Variants in GARNL3 observed in about 807,000 individuals in gnomAD.
GARNL3 encodes GTPase activating Rap/RanGAP domain like 3, also known as GTPase-activating Rap/Ran-GAP domain-like protein 3.
In GARNL3, 63 loss-of-function variants were observed where a neutral mutation model predicts 125.0. That is an observed-to-expected ratio of 0.50 (90% CI 0.41 to 0.62). The LOEUF (loss-of-function observed/expected upper bound fraction) is 0.62, where lower values mean the gene tolerates loss of function less well. Ranked by LOEUF, GARNL3 falls within the 20% of genes least tolerant of loss-of-function variation. GARNL3 has a pLI of 0.00. For synonymous variants in GARNL3, 439 were observed against 457.5 expected (o/e 0.96, Z 0.52); for missense variants, 994 against 1,244.0 (o/e 0.80, Z 3.02).
intron 1 of GARNL3, among the ~76,000 whole-genome samples, chr9:127,283,858 C>T (rs1243558684): frequency 1.3e-5 from 2 of 152,074 alleles, no homozygotes; most frequent in African/African-American, 2.4e-5. Flanking sequence ...ACACGGTCTT[C>T]CTCAGAATCT....
chr9:127,339,010 T>C (rs1829705028), intron 12 of GARNL3, among the ~76,000 whole-genome samples: 1 of 152,100 alleles, frequency 6.6e-6, no homozygotes, highest in Non-Finnish European at 1.5e-5. Flanking sequence ...AAAAGAGGTT[T>C]AATTGGGCCT....
At chr9:127,254,646 G>A (rs2063464678) in intron 2 of GARNL3, among the ~76,000 whole-genome samples, 1 of 152,072 alleles carries the variant, frequency 6.6e-6, no homozygotes, top group Non-Finnish European at 1.5e-5. Context: ...GCACGTGCCT[G>A]TAATCCCAGC....
chr9:127,303,088 T>A (rs1362198012), intron 2 of GARNL3, among the ~76,000 whole-genome samples: 2 of 152,006 alleles, frequency 1.3e-5, no homozygotes, highest in African/African-American at 4.8e-5. Context: ...GAGGCAGAGC[T>A]TGCAGTGAGC....
At chr9:127,296,663 G>A (rs1023198573) in intron 2 of GARNL3, among the ~76,000 whole-genome samples, 12 of 151,774 alleles carry the variant, frequency 7.9e-5, no homozygotes, top group Non-Finnish European at 1.5e-4. Flanking sequence ...GTAGAGACAG[G>A]GTTTCACATG....
At chr9:127,287,609 C>T (rs973022574) in intron 1 of GARNL3, among the ~76,000 whole-genome samples, 12 of 152,188 alleles carry the variant, frequency 7.9e-5, no homozygotes, top group Admixed American at 3.3e-4. Flanking sequence ...GTGAGCCAGC[C>T]GGGCTTGGGG....
chr9:127,294,180 G>A (rs1287038853), intron 2 of GARNL3, among the ~76,000 whole-genome samples: 4 of 152,120 alleles, frequency 2.6e-5, no homozygotes, highest in Non-Finnish European at 5.9e-5. Context: ...AATTTTGCTG[G>A]GATTGACAAA....
intron 2 of GARNL3, among the ~76,000 whole-genome samples, chr9:127,305,164 G>T (rs1457835865): frequency 6.6e-6 from 1 of 152,148 alleles, no homozygotes; most frequent in Non-Finnish European, 1.5e-5. Context: ...GAGCCTTCTG[G>T]AATACTGAAA....
At chr9:127,316,756 G>C (rs1169828657) in intron 4 of GARNL3, among the ~76,000 whole-genome samples, 1 of 152,156 alleles carries the variant, frequency 6.6e-6, no homozygotes. Flanking sequence ...GGGCTGGAGA[G>C]GGGTGAGAGT....
At chr9:127,354,207 T>C (rs1184653134) in intron 18 of GARNL3, 87 bp from the exon 19 acceptor site, 6 of 972,346 alleles carry the variant, frequency 6.2e-6, no homozygotes, top group Non-Finnish European at 8.0e-6. Flanking sequence ...CCAATCCTAG[T>C]TTTTCTACAC....
chr9:127,347,037 C>G (rs1470309634), intron 16 of GARNL3, among the ~76,000 whole-genome samples: 1 of 152,196 alleles, frequency 6.6e-6, no homozygotes, highest in Non-Finnish European at 1.5e-5. Flanking sequence ...TTGCTGCTGA[C>G]ACTGCACGCC....
At chr9:127,335,433 C>T in intron 10 of GARNL3, 100 bp downstream of exon 10, 1 of 969,452 alleles carries the variant, frequency 1.0e-6, no homozygotes, top group Non-Finnish European at 1.6e-6. Flanking sequence ...AACATATGAG[C>T]TGAGCTGTGG....
At chr9:127,225,997 C>T (rs1400768491) in intron 1 of GARNL3, among the ~76,000 whole-genome samples, 44 of 152,328 alleles carry the variant, frequency 2.9e-4, no homozygotes, top group Non-Finnish European at 4.4e-5. Flanking sequence ...GATTCTCCTG[C>T]TTCGACGTCG....
intron 1 of GARNL3, among the ~76,000 whole-genome samples, chr9:127,234,346 T>G (rs1393545149): frequency 6.6e-6 from 1 of 152,208 alleles, no homozygotes; most frequent in Non-Finnish European, 1.5e-5. Flanking sequence ...GTTAAAGATC[T>G]TAAGAGAGAT....
At chr9:127,336,070 CTG>C in intron 10 of GARNL3, 56 bp from the exon 11 acceptor site, 1 of 1,253,234 alleles carries the variant, frequency 8.0e-7, no homozygotes, top group African/African-American at 1.5e-5. Context: ...TTTTTTAACT[CTG>C]TGAATGTGCC....
At chr9:127,333,801 G>A (rs966684389) in intron 9 of GARNL3, among the ~76,000 whole-genome samples, 1 of 152,190 alleles carries the variant, frequency 6.6e-6, no homozygotes, top group East Asian at 1.9e-4. Flanking sequence ...AGGAGAGGGG[G>A]CATGACCCTG....
At chr9:127,315,534 G>A (rs2065217081) in intron 4 of GARNL3, among the ~76,000 whole-genome samples, 1 of 152,042 alleles carries the variant, frequency 6.6e-6, no homozygotes, top group Non-Finnish European at 1.5e-5. Context: ...CCAGCTCTTT[G>A]GGAGGGTAAG....
intron 26 of GARNL3, among the ~76,000 whole-genome samples, chr9:127,389,419 C>T (rs1832714774): frequency 1.3e-5 from 2 of 152,108 alleles, no homozygotes; most frequent in Admixed American, 6.5e-5. Context: ...ATAAAAGTAC[C>T]AATCTATGTA....
chr9:127,320,887 ATGC>A, intron 6 of GARNL3, 109 bp downstream of exon 6: 1 of 706,754 alleles, frequency 1.4e-6, no homozygotes, highest in African/African-American at 1.8e-5. Flanking sequence ...CAAATCACCT[ATGC>A]AACTTTAAAA....
At chr9:127,252,520 C>T (rs1295331238) in intron 2 of GARNL3, among the ~76,000 whole-genome samples, 4 of 152,122 alleles carry the variant, frequency 2.6e-5, no homozygotes, top group East Asian at 3.8e-4. Context: ...ATTTATTAAT[C>T]AAACCATCAA....
Sources: allele counts gnomAD v4.1 joint callset (sites outside exome capture counted in the v4.1 genomes callset), GRCh38; gene constraint gnomAD v4.1.1; transcripts MANE v1.5; gene names NCBI Gene and HGNC (gene_info 2026-07-23, HGNC 2026-07-21).